The following CAMTA1 variants were observed in gnomAD, a reference collection of about 807,000 sequenced individuals.
The protein encoded by CAMTA1 is calmodulin binding transcription activator 1.
In CAMTA1, 27 loss-of-function variants were observed where a neutral mutation model predicts 170.9. That is an observed-to-expected ratio of 0.16 (90% confidence interval 0.12 to 0.22). The LOEUF is 0.22. CAMTA1 is among the 10% of genes least tolerant of loss of function. The probability of loss-of-function intolerance (pLI) is 1.00; values close to 1 mark genes in which losing one functional copy is unlikely to be tolerated. For missense variants in CAMTA1, 1,619 were observed against 2,217.2 expected (o/e 0.73, Z 5.42); for synonymous variants, 833 against 891.5 (o/e 0.93, Z 1.17).
At chr1:7,711,578 G>A (rs1464426921) in intron 11 of CAMTA1, among the ~76,000 whole-genome samples, 2 of 152,136 alleles carry the variant, frequency 1.3e-5, no homozygotes, top group East Asian at 3.9e-4. Context: ...TGAGAAAGAG[G>A]AACCAGAGCC....
At chr1:7,085,612 A>G (rs1640631650) in intron 3 of CAMTA1, among the ~76,000 whole-genome samples, 1 of 152,220 alleles carries the variant, frequency 6.6e-6, no homozygotes, top group African/African-American at 2.4e-5. Flanking sequence ...CTCCCCTGGG[A>G]GGGGCTGGGC....
chr1:7,713,584 T>TA (rs2096587423), intron 11 of CAMTA1, among the ~76,000 whole-genome samples: 1 of 152,248 alleles, frequency 6.6e-6, no homozygotes, highest in Admixed American at 6.5e-5. Flanking sequence ...TTTCACCTAG[T>TA]ATTTCCAAAA....
chr1:7,123,967 G>A (rs1644789143), intron 4 of CAMTA1, among the ~76,000 whole-genome samples: 1 of 152,100 alleles, frequency 6.6e-6, no homozygotes, highest in Non-Finnish European at 1.5e-5. Context: ...TGGGCTGGAC[G>A]TTCCCATGAG....
At chr1:6,980,107 C>T (rs564317513) in intron 3 of CAMTA1, among the ~76,000 whole-genome samples, 245 of 152,314 alleles carry the variant, frequency 1.6e-3, no homozygotes, top group African/African-American at 5.8e-3. Context: ...GGGCGTGCCT[C>T]TTACTGACAG....
At chr1:7,192,119 C>A (rs1186261812) in intron 4 of CAMTA1, among the ~76,000 whole-genome samples, 1 of 152,198 alleles carries the variant, frequency 6.6e-6, no homozygotes, top group African/African-American at 2.4e-5. Flanking sequence ...TGTCAAGATG[C>A]ATTTGTCTGT....
At chr1:6,824,956 AAG>A in intron 2 of CAMTA1, 134 bp from the exon 3 acceptor site, 1 of 524,458 alleles carries the variant, frequency 1.9e-6, no homozygotes, top group East Asian at 3.2e-5. Flanking sequence ...ATTATTAACT[AAG>A]AGGAATAGTG....
Position 6,798,742 on chromosome 1 carries a change from G to T in CAMTA1, c.45+13167G>T, listed in dbSNP as rs1325658879. On this transcript the variant is annotated intron_variant, in intron 1 of 22. Transcript: ENST00000303635. Reference sequence around the variant, plus strand: ...CTCCCGAGTAGCTGGGACTACAGGCGCCCGCCACCGCGCCCGGCTAATTTT... The same window carrying T: ...CTCCCGAGTAGCTGGGACTACAGGCTCCCGCCACCGCGCCCGGCTAATTTT... 2.2e-5 allele frequency among the ~76,000 whole-genome samples: 3 copies of T among 139,150 alleles called. 1 individual carries two copies. The East Asian group carries it at 6.8e-4, about 32-fold the overall frequency. The allele number at this position is 139,150 out of a possible 152,430, so 91.3% of individuals were successfully genotyped here.
At chr1:7,567,418 G>A (rs889158383) in intron 6 of CAMTA1, among the ~76,000 whole-genome samples, 6 of 152,372 alleles carry the variant, frequency 3.9e-5, no homozygotes, top group African/African-American at 1.4e-4. Flanking sequence ...GCAGAGGTAA[G>A]GGACAAGTCT....
chr1:6,860,178 C>T (rs1042087355), intron 3 of CAMTA1, among the ~76,000 whole-genome samples: 1 of 152,094 alleles, frequency 6.6e-6, no homozygotes, highest in Non-Finnish European at 1.5e-5. Flanking sequence ...GTCCTCATGC[C>T]AATCCTATGA....
intron 4 of CAMTA1, among the ~76,000 whole-genome samples, chr1:7,159,605 A>T (rs9434860): frequency 6.6e-6 from 1 of 151,968 alleles, no homozygotes; most frequent in Non-Finnish European, 1.5e-5. Context: ...GTGCAATGAC[A>T]CAATCATAGC....
intron 11 of CAMTA1, among the ~76,000 whole-genome samples, chr1:7,688,766 C>T (rs1450740651): frequency 2.0e-5 from 3 of 152,192 alleles, no homozygotes; most frequent in Non-Finnish European, 4.4e-5. Flanking sequence ...CCCTTCTGAG[C>T]AGCCCAGCAA....
intron 3 of CAMTA1, among the ~76,000 whole-genome samples, chr1:7,035,125 G>C (rs986697328): frequency 1.3e-5 from 2 of 152,140 alleles, no homozygotes; most frequent in African/African-American, 4.8e-5. Flanking sequence ...TTTTTGGCTG[G>C]AGGCGGTGGC....
At position 7,014,077 on chromosome 1, in the gene CAMTA1, C is replaced by T. The variant is rs972167411; in HGVS notation, c.235-77227C>T. ...TGGGAGATAGGGAACCTGTCGAGTG[C>T]GGTTCTGAAGGGCTTGCTCTGCCAA... On this transcript the variant is annotated intron_variant, in intron 3 of 22. Coordinates refer to ENST00000303635, the MANE Select transcript of CAMTA1 (RefSeq NM_015215.4). This position sits in a 1 kb window ranked among gnomAD's most constrained non-coding sequence, Gnocchi z 4.2. 1.3e-5 allele frequency among the ~76,000 whole-genome samples: 2 copies of T among 152,204 alleles called. No homozygotes were observed. Among genetic ancestry groups the T allele is most frequent in the African/African-American group, 2.4e-5 (1 of 41,452 alleles).
At chr1:7,240,110 C>G (rs1664602960) in intron 4 of CAMTA1, among the ~76,000 whole-genome samples, 1 of 152,152 alleles carries the variant, frequency 6.6e-6, no homozygotes. Flanking sequence ...GGTTGTCTCT[C>G]TTTTGTGATG....
intron 5 of CAMTA1, among the ~76,000 whole-genome samples, chr1:7,263,177 G>T (rs575006350): frequency 6.6e-6 from 1 of 151,894 alleles, no homozygotes; most frequent in South Asian, 2.1e-4. Flanking sequence ...TAGTAACTTC[G>T]TCTATAACTT....
intron 3 of CAMTA1, among the ~76,000 whole-genome samples, chr1:6,848,015 A>G (rs1658949455): frequency 6.6e-6 from 1 of 151,694 alleles, no homozygotes; most frequent in South Asian, 2.1e-4. Flanking sequence ...CTGGCCTAAG[A>G]TTTTTATTTC....
intron 6 of CAMTA1, among the ~76,000 whole-genome samples, chr1:7,602,513 AT>A (rs1446592219): frequency 6.6e-6 from 1 of 151,954 alleles, no homozygotes; most frequent in Admixed American, 6.6e-5. Flanking sequence ...CCCCTTTATC[AT>A]TTTTTATTGC....
At chr1:7,415,867 C>A (rs1379293702) in intron 5 of CAMTA1, among the ~76,000 whole-genome samples, 1 of 152,152 alleles carries the variant, frequency 6.6e-6, no homozygotes, top group Non-Finnish European at 1.5e-5. Flanking sequence ...ATGGTCTTTA[C>A]AATTTGGCAT....
chr1:6,796,138 T>C (rs1642444926), intron 1 of CAMTA1, among the ~76,000 whole-genome samples: 1 of 137,456 alleles, frequency 7.3e-6, no homozygotes, highest in African/African-American at 2.8e-5. Flanking sequence ...ATTTCTTTTT[T>C]TTTTTTTTTT....
Sources: gnomAD v4.1 joint callset for allele counts (sites outside exome capture counted in the v4.1 genomes callset) on GRCh38, gnomAD v4.1.1 for gene constraint, Gnocchi (gnomAD v3.1) non-coding constraint, MANE v1.5 for transcripts, NCBI Gene and HGNC (gene_info 2026-07-23, HGNC 2026-07-21) for gene names.